The following PRKG2 variants were observed in gnomAD, a reference collection of about 807,000 sequenced individuals.
PRKG2 encodes the protein cGMP-dependent protein kinase 2.
PRKG2 carries 33 observed loss-of-function variants against 97.2 expected under a neutral mutation model. That is an observed-to-expected ratio of 0.34 (90% CI 0.26 to 0.45). The LOEUF (loss-of-function observed/expected upper bound fraction) is 0.45. Among genes scored for constraint, PRKG2 ranks in the 20% least tolerant of loss-of-function variants. The pLI, the probability that PRKG2 is intolerant of heterozygous loss-of-function variation, is 1.00. For missense variants in PRKG2, 638 were observed against 900.0 expected (o/e 0.71, Z 3.73); for synonymous variants, 330 against 321.8 (o/e 1.03, Z -0.27).
At position 81,148,969 on chromosome 4, in the gene PRKG2, G is replaced by C. The variant is rs1414459018; in HGVS notation, c.1086-17C>G. The C allele has an allele frequency of 6.2e-7, 1 of 1,610,010 alleles. No individual in the cohort carries two copies. Among genetic ancestry groups the C allele is most frequent in the Non-Finnish European group, 8.5e-7 (1 of 1,176,652 alleles). On this transcript the variant is annotated splice_polypyrimidine_tract_variant and intron_variant, in intron 8 of 18. Transcript: ENST00000264399. ...ACATCATCACTGCAAACAAAAATAG[G>C]AAAGTCAATTTTCACTATAATTAGA...
Position 81,159,278 on chromosome 4 carries a change from C to A in PRKG2, c.913-5557G>T, listed in dbSNP as rs1183435743. Among the ~76,000 whole-genome samples, 4 of 152,142 alleles carry A rather than the reference C, an allele frequency of 2.6e-5. No homozygotes were observed. In the East Asian group the frequency reaches 5.8e-4, roughly 22 times the overall value. On this transcript the variant is annotated intron_variant, in intron 6 of 18. Transcript: ENST00000264399. ...CAAATTTACAAGAAAAAAAAACAAC[C>A]CCATCAAAAAGTGGGCAACGGATAT...
chr4:81,202,120 A>G (rs1029106253), intron 2 of PRKG2, among the ~76,000 whole-genome samples: 2 of 152,196 alleles, frequency 1.3e-5, no homozygotes, highest in Non-Finnish European at 2.9e-5. Context: ...TTCATCAGTG[A>G]AGGACATGTC....
chr4:81,164,711 C>T (rs1204296126), intron 6 of PRKG2, among the ~76,000 whole-genome samples: 4 of 152,090 alleles, frequency 2.6e-5, no homozygotes, highest in Non-Finnish European at 5.9e-5. Flanking sequence ...TATGCCTTCT[C>T]ATCGGCACCA....
chr4:81,150,494 A>G (rs1202743386), intron 8 of PRKG2, among the ~76,000 whole-genome samples: 1 of 152,134 alleles, frequency 6.6e-6, no homozygotes, highest in Non-Finnish European at 1.5e-5. Context: ...ATATAAAAAT[A>G]TTTGTCTCCA....
In PRKG2 at chr4:81,174,919, A is replaced by G; in HGVS notation, c.502T>C (p.Phe168Leu). ...TGCTGAGGATCCAGTCTTTTCAGAA[A>G]CTGATTTTTATTAAGGGCATCTGTA... ...LITDALNKNQ[F>L]LKRLDPQQIK... Residue 168 changes from phenylalanine (F) to leucine (L), a missense_variant, in exon 3 of 19, where the codon TTT (phenylalanine) becomes CTT (leucine). Coordinates refer to ENST00000264399, the MANE Select transcript of PRKG2 (RefSeq NM_006259.3). 2 of 1,612,624 alleles carry G rather than the reference A, an allele frequency of 1.2e-6. No homozygotes were observed. The highest frequency in any genetic ancestry group is 1.7e-6 in the Non-Finnish European group (2 of 1,179,046).
At chr4:81,137,791 C>T (rs1578403353) in intron 12 of PRKG2, among the ~76,000 whole-genome samples, 1 of 152,336 alleles carries the variant, frequency 6.6e-6, no homozygotes, top group South Asian at 2.1e-4. Flanking sequence ...AACAAAACAT[C>T]TCATTATCCC....
chr4:81,175,937 T>C (rs1039545732), intron 2 of PRKG2: 1 of 152,158 alleles, frequency 6.6e-6, no homozygotes, highest in African/African-American at 2.4e-5. Flanking sequence ...CTCAGCATGA[T>C]TTTTTAAGTA....
intron 2 of PRKG2, among the ~76,000 whole-genome samples, chr4:81,202,155 G>A (rs1753354551): frequency 6.6e-6 from 1 of 151,968 alleles, no homozygotes; most frequent in Non-Finnish European, 1.5e-5. Flanking sequence ...TCTAACTTCT[G>A]GAAAATTGTT....
At position 81,152,003 on chromosome 4, in the gene PRKG2, T is replaced by A. The variant is rs1457342227; in HGVS notation, c.1042A>T (p.Thr348Ser). Residue 348 changes from threonine to serine, a missense_variant, in exon 8 of 19, where the codon ACA becomes TCA. By Grantham distance (58) the Thr-to-Ser change is moderately conservative. Coordinates refer to ENST00000264399, the MANE Select transcript of PRKG2 (RefSeq NM_006259.3). ...EGHDQPQLIK[T>S]LQKGEYFGEK... ...CCAAAGTATTCTCCTTTCTGCAGTGTTTTTATCAGCTGTGGTTGATCATGG... is the reference window on the plus strand; with the variant it reads ...CCAAAGTATTCTCCTTTCTGCAGTGATTTTATCAGCTGTGGTTGATCATGG... 5.6e-6 allele frequency: 9 copies of A among 1,613,384 alleles called. No homozygotes were observed. The highest frequency in any genetic ancestry group is 7.6e-6 in the Non-Finnish European group (9 of 1,179,578).
chr4:81,211,775 T>C (rs1343400557), intron 1 of PRKG2, among the ~76,000 whole-genome samples: 5 of 152,030 alleles, frequency 3.3e-5, no homozygotes, highest in Non-Finnish European at 5.9e-5. Context: ...GAGAAAAACA[T>C]TGCCATATGA....
intron 13 of PRKG2, among the ~76,000 whole-genome samples, chr4:81,135,535 G>C (rs1450536275): frequency 6.6e-6 from 1 of 152,106 alleles, no homozygotes; most frequent in Non-Finnish European, 1.5e-5. Flanking sequence ...ATCAACAACT[G>C]TTTTTGGTAA....
intron 14 of PRKG2, 73 bp from the exon 15 acceptor site, chr4:81,110,684 T>G: frequency 6.6e-7 from 1 of 1,525,748 alleles, no homozygotes; most frequent in Non-Finnish European, 9.0e-7. Context: ...CCCTCTTACC[T>G]CTGAAATCTG....
At chr4:81,143,027 C>G in intron 10 of PRKG2, 80 bp from the exon 11 acceptor site, 1 of 1,437,858 alleles carries the variant, frequency 7.0e-7, no homozygotes, top group African/African-American at 1.4e-5. Flanking sequence ...TTCACTCCTA[C>G]GACAGTCTAA....
chr4:81,127,689 A>G (rs915688586), intron 14 of PRKG2, among the ~76,000 whole-genome samples: 2 of 152,194 alleles, frequency 1.3e-5, no homozygotes, highest in African/African-American at 4.8e-5. Flanking sequence ...TTGTATCCTG[A>G]GACTTTGCTG....
At chr4:81,126,834 G>A (rs2110012936) in intron 14 of PRKG2, among the ~76,000 whole-genome samples, 1 of 152,198 alleles carries the variant, frequency 6.6e-6, no homozygotes, top group Middle Eastern at 3.4e-3. Context: ...TGTTCACTCT[G>A]ATGACAGTTT....
At chr4:81,161,608 A>G (rs967111852) in intron 6 of PRKG2, among the ~76,000 whole-genome samples, 1 of 152,088 alleles carries the variant, frequency 6.6e-6, no homozygotes, top group African/African-American at 2.4e-5. Flanking sequence ...GCAGGATAAG[A>G]TCCCATTTCC....
At chr4:81,168,271 T>C (rs1750162600) in intron 5 of PRKG2, among the ~76,000 whole-genome samples, 1 of 152,094 alleles carries the variant, frequency 6.6e-6, no homozygotes, top group Admixed American at 6.6e-5. Context: ...ATATTTTCTC[T>C]GTCTCCCCTC....
chr4:81,203,913 C>G (rs1384323611), intron 2 of PRKG2, among the ~76,000 whole-genome samples: 1 of 152,194 alleles, frequency 6.6e-6, no homozygotes, highest in Non-Finnish European at 1.5e-5. Flanking sequence ...TCATGACAAG[C>G]CTGCTTCTGT....
At chr4:81,110,115 A>G (rs1233809950) in intron 15 of PRKG2, among the ~76,000 whole-genome samples, 1 of 152,218 alleles carries the variant, frequency 6.6e-6, no homozygotes, top group Non-Finnish European at 1.5e-5. Context: ...AGGAAATAAT[A>G]ACACAGCCCA....
Sources: gnomAD v4.1 joint callset for allele counts (sites outside exome capture counted in the v4.1 genomes callset) on GRCh38, gnomAD v4.1.1 for gene constraint, MANE v1.5 for transcripts, NCBI Gene and HGNC (gene_info 2026-07-23, HGNC 2026-07-21) for gene names.